Variants in RYR2 observed in about 807,000 individuals in gnomAD.
RYR2 encodes the protein ryanodine receptor 2.
Under a neutral mutation model 601.1 loss-of-function variants are expected in RYR2, and 227 were observed. The observed-to-expected ratio is 0.38, with a 90% CI of 0.34 to 0.42. RYR2 has a LOEUF of 0.42. RYR2 is among the 10% of genes least tolerant of loss of function. The pLI, the probability that RYR2 is intolerant of heterozygous loss-of-function variation, is 1.00. For missense variants in RYR2, 4,646 were observed against 6,156.5 expected, an observed-to-expected ratio of 0.75 and a Z score of 8.21; for synonymous variants, 2,223 against 2,175.1, an observed-to-expected ratio of 1.02 and a Z score of -0.61.
chr1:237,382,625 T>G (rs1343743713), intron 8 of RYR2, among the ~76,000 whole-genome samples: 1 of 149,050 alleles, frequency 6.7e-6, no homozygotes, highest in African/African-American at 2.5e-5. Context: ...GAACATTCGG[T>G]GTTTCGTTTT....
intron 3 of RYR2, among the ~76,000 whole-genome samples, chr1:237,336,496 G>A (rs1206196840): frequency 2.0e-5 from 3 of 152,158 alleles, no homozygotes; most frequent in East Asian, 1.9e-4. Flanking sequence ...ATTAACAGAG[G>A]TATAGATCAG....
At chr1:237,467,245 ATATAAT>A (rs1399458289) in intron 16 of RYR2, among the ~76,000 whole-genome samples, 2 of 148,260 alleles carry the variant, frequency 1.3e-5, no homozygotes, top group African/African-American at 4.9e-5. Context: ...AGATAGCTAT[ATATAAT>A]TATATATTAT....
intron 43 of RYR2, 119 bp from the exon 44 acceptor site, chr1:237,634,770 A>C: frequency 1.5e-6 from 1 of 674,016 alleles, no homozygotes. Context: ...AAATCAATGT[A>C]GATTAATACA....
chr1:237,436,028 G>T (rs1707317102), intron 12 of RYR2, among the ~76,000 whole-genome samples: 1 of 152,112 alleles, frequency 6.6e-6, no homozygotes, highest in African/African-American at 2.4e-5. Context: ...CCAAGAGCAG[G>T]GTAGAGTCCC....
chr1:237,778,952 C>T (rs370698657), intron 88 of RYR2, among the ~76,000 whole-genome samples, 182 bp downstream of exon 88: 4 of 151,956 alleles, frequency 2.6e-5, no homozygotes, highest in African/African-American at 9.7e-5. Context: ...AAATAAAAAC[C>T]GTTATGTAAC....
intron 2 of RYR2, among the ~76,000 whole-genome samples, chr1:237,294,424 TAA>T (rs958338563): frequency 1.5e-4 from 23 of 151,964 alleles, no homozygotes; most frequent in African/African-American, 5.6e-4. Flanking sequence ...CAGGATAGGC[TAA>T]GTTATGCTTT....
At position 237,569,141 on chromosome 1, in the gene RYR2, A is replaced by G. The variant is rs1170393191; in HGVS notation, c.3424-4A>G. 3.1e-6 allele frequency: 5 copies of G among 1,612,726 alleles called. No individual in the cohort carries two copies. In the Admixed American group the frequency reaches 6.7e-5, roughly 22 times the overall value. Reference sequence around the variant, plus strand: ...GACAAGGGACTTTTCTGTCCTCTGTATAGGCCCAGCGGTGGCATCAGGGCA... The same window carrying G: ...GACAAGGGACTTTTCTGTCCTCTGTGTAGGCCCAGCGGTGGCATCAGGGCA... On this transcript the variant is annotated splice_region_variant and splice_polypyrimidine_tract_variant and intron_variant, in intron 28 of 104. Coordinates refer to ENST00000366574, the MANE Select transcript of RYR2 (RefSeq NM_001035.3).
At chr1:237,324,088 T>A (rs927238003) in intron 2 of RYR2, among the ~76,000 whole-genome samples, 1 of 152,192 alleles carries the variant, frequency 6.6e-6, no homozygotes, top group African/African-American at 2.4e-5. Context: ...TGTAATGTTA[T>A]GATTGGGGTT....
At chr1:237,590,133 G>A in intron 30 of RYR2, 132 bp downstream of exon 30, 1 of 809,374 alleles carries the variant, frequency 1.2e-6, no homozygotes, top group Non-Finnish European at 1.9e-6. Context: ...ATATAGTAGT[G>A]GAATCTAAGC....
At chr1:237,768,419 G>T (rs1421238023) in intron 84 of RYR2, among the ~76,000 whole-genome samples, 1 of 152,116 alleles carries the variant, frequency 6.6e-6, no homozygotes, top group Admixed American at 6.6e-5. Flanking sequence ...AAGGCGCAAA[G>T]AATGAACTCA....
At chr1:237,800,348 T>C (rs1380750289) in intron 97 of RYR2, among the ~76,000 whole-genome samples, 1 of 152,122 alleles carries the variant, frequency 6.6e-6, no homozygotes, top group Non-Finnish European at 1.5e-5. Context: ...GTTGTAAATA[T>C]TTGTGGCACT....
chr1:237,706,184 G>A (rs1688359826), intron 67 of RYR2, among the ~76,000 whole-genome samples: 1 of 152,176 alleles, frequency 6.6e-6, no homozygotes, highest in Admixed American at 6.5e-5. Flanking sequence ...GGGAGGCAGA[G>A]TTTGCAGTGA....
At chr1:237,099,879 G>A (rs1010008223) in intron 1 of RYR2, among the ~76,000 whole-genome samples, 2 of 152,116 alleles carry the variant, frequency 1.3e-5, no homozygotes, top group Non-Finnish European at 2.9e-5. Context: ...GGAAACTGAG[G>A]CAGAGAGGAG....
intron 10 of RYR2, among the ~76,000 whole-genome samples, chr1:237,393,774 C>T (rs1173687180): frequency 1.3e-5 from 2 of 152,174 alleles, no homozygotes; most frequent in Non-Finnish European, 2.9e-5. Flanking sequence ...GCTTTTTACC[C>T]CAAACTTAAA....
At chr1:237,590,151 G>T (rs894880533) in intron 30 of RYR2, 150 bp downstream of exon 30, 14 of 737,218 alleles carry the variant, frequency 1.9e-5, no homozygotes, top group South Asian at 4.7e-5. Context: ...AGCAAAGATG[G>T]TACTTTCTAC....
At chr1:237,621,440 G>A (rs546038971) in intron 38 of RYR2, among the ~76,000 whole-genome samples, 1 of 151,992 alleles carries the variant, frequency 6.6e-6, no homozygotes, top group African/African-American at 2.4e-5. Context: ...CTGAAAACAG[G>A]ACAATAGAAA....
In RYR2 at chr1:237,152,852, T is replaced by C. The variant is rs551581343; in HGVS notation, c.48+110283T>C. ...AGCCTGTGGACAGCAAAAGAAACTA[T>C]CATCAGAGCAAACAGGCAACCCGCA... On this transcript the variant is annotated intron_variant, in intron 1 of 104. Transcript: ENST00000366574. 7.2e-5 allele frequency among the ~76,000 whole-genome samples: 11 copies of C among 152,242 alleles called. No homozygotes were observed. In the East Asian group the frequency reaches 1.5e-3, roughly 21 times the overall value.
rs1357744639 is a variant in RYR2, at chr1:237,565,141, T to TTCTTTCTC, written c.3215-1425_3215-1424insCTTTCTCT. Reference sequence around the variant, plus strand: ...TTTCTTTCTTTCTTTCTTTCTTTCTTTTTCTTTCTTTCTTTCTCTTTCTTT... The same window carrying TTCTTTCTC: ...TTTCTTTCTTTCTTTCTTTCTTTCTTTCTTTCTCTTTCTTTCTTTCTTTCTCTTTCTTT... On this transcript the variant is annotated intron_variant, in intron 27 of 104. Coordinates refer to ENST00000366574, the MANE Select transcript of RYR2 (RefSeq NM_001035.3). Among the ~76,000 whole-genome samples, 135 of 47,586 alleles carry TTCTTTCTC rather than the reference T, an allele frequency of 2.8e-3. 3 individuals carry two copies. The highest frequency in any genetic ancestry group is 0.014 in the Middle Eastern group (1 of 72). 31.2% of individuals were successfully genotyped at this position (47,586 alleles called of 152,430 possible).
chr1:237,122,525 T>C (rs1430455467), intron 1 of RYR2, among the ~76,000 whole-genome samples: 1 of 151,952 alleles, frequency 6.6e-6, no homozygotes, highest in Non-Finnish European at 1.5e-5. Context: ...CTACTAAAAA[T>C]AGAACAATCA....
Sources: gnomAD v4.1 joint callset for allele counts (sites outside exome capture counted in the v4.1 genomes callset) on GRCh38, gnomAD v4.1.1 for gene constraint, MANE v1.5 for transcripts, NCBI Gene and HGNC (gene_info 2026-07-23, HGNC 2026-07-21) for gene names.